Variants in STON2 observed in about 807,000 individuals in gnomAD.
STON2 encodes stonin 2.
Under a neutral mutation model 65.7 loss-of-function variants are expected in STON2, and 29 were observed. The observed-to-expected ratio is 0.44, with a 90% CI of 0.33 to 0.60. The LOEUF (loss-of-function observed/expected upper bound fraction) is 0.60, where lower values mean the gene tolerates loss of function less well. Among genes scored for constraint, STON2 ranks in the 20% least tolerant of loss-of-function variants. The pLI is 0.03. For missense variants in STON2, 1,054 were observed against 1,118.1 expected, an observed-to-expected ratio of 0.94 and a Z score of 0.82; for synonymous variants, 404 against 414.2, an observed-to-expected ratio of 0.98 and a Z score of 0.30.
At chr14:81,334,118 T>C (rs1187545748) in intron 4 of STON2, among the ~76,000 whole-genome samples, 1 of 152,220 alleles carries the variant, frequency 6.6e-6, no homozygotes, top group African/African-American at 2.4e-5. Flanking sequence ...GAAGTGATAC[T>C]GATGCTGAAA....
rs1223114336 is a variant in STON2 at position 81,324,020 on chromosome 14, T to C, written c.739A>G (p.Asn247Asp). 1.3e-5 allele frequency among the ~76,000 whole-genome samples: 2 copies of C among 152,196 alleles called. No individual in the cohort carries two copies. The highest frequency in any genetic ancestry group is 2.9e-5 in the Non-Finnish European group (2 of 68,032). Residue 247 changes from asparagine to aspartate, a missense_variant, in exon 5 of 8, where the codon AAT becomes GAT. Coordinates refer to ENST00000614646, the MANE Select transcript of STON2 (RefSeq NM_001394390.1). Reference protein sequence around the residue: ...GEGPEGASAPNDNSSSLQEDE... With the variant: ...GEGPEGASAPDDNSSSLQEDE... ...TCCTGCTGCGGGCAGCCCTTACCAT[T>C]GGGAGCAGAGGCCCCCTCCGGACCC... is the stretch of plus-strand genomic sequence containing the variant.
At chr14:81,281,438 T>C (rs1014798314) in intron 5 of STON2, among the ~76,000 whole-genome samples, 3 of 152,196 alleles carry the variant, frequency 2.0e-5, no homozygotes, top group Non-Finnish European at 4.4e-5. Flanking sequence ...GAGGCAGCTC[T>C]AGAGAGCCTT....
At chr14:81,306,801 T>C (rs894626390) in intron 5 of STON2, 1 of 152,088 alleles carries the variant, frequency 6.6e-6, no homozygotes, top group Non-Finnish European at 1.5e-5. Context: ...CATCCTCCAA[T>C]AAAGCAGACA....
At chr14:81,272,115 G>A (rs1417316185) in intron 6 of STON2, among the ~76,000 whole-genome samples, 10 of 152,242 alleles carry the variant, frequency 6.6e-5, no homozygotes, top group Non-Finnish European at 1.2e-4. Context: ...CCAGCTACTC[G>A]GGAGGCTGAG....
At position 81,351,517 on chromosome 14, in the gene STON2, TGA is replaced by T. The variant is rs1898024951; in HGVS notation, c.571+19469_571+19470del. Reference sequence around the variant, plus strand: ...TACTTGGCACAAAGTAAGAACTGTGTGAGAGAAAACATTATTTTAATTTGATC... The same window carrying T: ...TACTTGGCACAAAGTAAGAACTGTGTGAGAAAACATTATTTTAATTTGATC... On this transcript the variant is annotated intron_variant, in intron 4 of 7. Transcript: ENST00000614646. Among the ~76,000 whole-genome samples the T allele has an allele frequency of 2.0e-5, 3 of 152,294 alleles. No individual in the cohort carries two copies. In the South Asian group the frequency reaches 6.2e-4, roughly 32 times the overall value.
At chr14:81,333,016 A>T (rs768315274) in intron 4 of STON2, 7 of 566,326 alleles carry the variant, frequency 1.2e-5, no homozygotes, top group Non-Finnish European at 2.2e-5. Context: ...GACTTTCCTC[A>T]TTCTGTTCTT....
intron 3 of STON2, among the ~76,000 whole-genome samples, chr14:81,387,949 C>CT (rs369887955): frequency 0.12 from 12,269 of 102,766 alleles, 1,797 homozygotes; most frequent in East Asian, 0.33. Flanking sequence ...TATTTCTTTT[C>CT]TTTTTTTTTT....
At chr14:81,419,981 C>T (rs886914167) in intron 2 of STON2, among the ~76,000 whole-genome samples, 1 of 152,178 alleles carries the variant, frequency 6.6e-6, no homozygotes. Flanking sequence ...GGTGCTTGGA[C>T]AGGATATGTA....
In STON2 at chr14:81,261,989, G is replaced by GGA; in HGVS notation, c.*6423_*6424dup. 1 of 1,381,972 alleles carries GGA rather than the reference G, an allele frequency of 7.2e-7. No homozygotes were observed. Among genetic ancestry groups the GGA allele is most frequent in the South Asian group, 1.8e-5 (1 of 56,074 alleles). 85.6% of individuals were successfully genotyped at this position (1,381,972 alleles called of 1,614,324 possible). A position where few individuals can be genotyped will look rare whatever the true frequency, so the allele number is the denominator to read the frequency against. ...AGAGAGATGTGAAAAGGAAAAAGATGGACCAGGTGATTTTTCCAATCTTCA... is the reference window on the plus strand; with the variant it reads ...AGAGAGATGTGAAAAGGAAAAAGATGGAGACCAGGTGATTTTTCCAATCTTCA... On this transcript the variant is annotated 3_prime_UTR_variant, in exon 8 of 8. Coordinates refer to ENST00000614646, the MANE Select transcript of STON2 (RefSeq NM_001394390.1).
chr14:81,290,344 T>C (rs1194728818), intron 5 of STON2, among the ~76,000 whole-genome samples: 1 of 152,218 alleles, frequency 6.6e-6, no homozygotes, highest in Non-Finnish European at 1.5e-5. Flanking sequence ...GATGAGAATT[T>C]CTGCTTCAAT....
upstream of STON2, among the ~76,000 whole-genome samples, chr14:81,402,227 G>A (rs1361243818): frequency 6.6e-6 from 1 of 152,166 alleles, no homozygotes; most frequent in Non-Finnish European, 1.5e-5. Context: ...GGACAGAAGC[G>A]TGGTGATGGA....
chr14:81,323,563 A>C (rs917115908), intron 5 of STON2: 19 of 152,138 alleles, frequency 1.2e-4, no homozygotes, highest in African/African-American at 3.6e-4. Context: ...AACTCCTTTA[A>C]ATAAAGGGTC....
chr14:81,270,520 C>A, intron 7 of STON2, 150 bp downstream of exon 7: 1 of 1,550,894 alleles, frequency 6.4e-7, no homozygotes, highest in Non-Finnish European at 8.7e-7. Flanking sequence ...AGAGCAGACG[C>A]ACCCACAGCT....
chr14:81,365,264 T>C (rs1055915807), intron 4 of STON2, among the ~76,000 whole-genome samples: 1 of 152,294 alleles, frequency 6.6e-6, no homozygotes, highest in South Asian at 2.1e-4. Flanking sequence ...TTCTTCAGTC[T>C]CGTGAACCTG....
chr14:81,423,034 CAA>C (rs112442216), intron 2 of STON2, among the ~76,000 whole-genome samples: 2 of 136,208 alleles, frequency 1.5e-5, no homozygotes, highest in Admixed American at 7.3e-5. Flanking sequence ...GACTCTGTCT[CAA>C]AAAAAAAAAA....
rs571729422 is a variant in STON2 at position 81,427,621 on chromosome 14, A to G, written c.-309-409T>C. ...ATGCCAATTAGGTTGATGGGTGGTG[A>G]CTGAGAAACATGCTGGATTTACTCA... On this transcript the variant is annotated intron_variant, in intron 1 of 8. Transcript: ENST00000553821. Among the ~76,000 whole-genome samples, 8 of 152,206 alleles carry G rather than the reference A, an allele frequency of 5.3e-5. No individual in the cohort carries two copies. In the East Asian group the frequency reaches 1.5e-3, roughly 29 times the overall value.
chr14:81,293,129 C>T (rs1418191003), intron 5 of STON2, among the ~76,000 whole-genome samples: 1 of 150,452 alleles, frequency 6.6e-6, no homozygotes, highest in South Asian at 2.1e-4. Flanking sequence ...GTTATTCAGA[C>T]GGTGGCACCC....
chr14:81,308,057 T>C (rs1198613943), intron 5 of STON2, among the ~76,000 whole-genome samples: 1 of 152,164 alleles, frequency 6.6e-6, no homozygotes, highest in East Asian at 1.9e-4. Flanking sequence ...TATCTTTTAT[T>C]AGGACACAGA....
intron 5 of STON2, among the ~76,000 whole-genome samples, chr14:81,290,571 G>T (rs1566892049): frequency 6.6e-6 from 1 of 152,134 alleles, no homozygotes; most frequent in Non-Finnish European, 1.5e-5. Flanking sequence ...TCTGTTGGGG[G>T]TAAGGGTGCA....
Sources: allele counts gnomAD v4.1 joint callset (sites outside exome capture counted in the v4.1 genomes callset), GRCh38; gene constraint gnomAD v4.1.1; transcripts MANE v1.5; gene names NCBI Gene and HGNC (gene_info 2026-07-23, HGNC 2026-07-21).